The following SMYD3 variants were observed in gnomAD, a reference collection of about 807,000 sequenced individuals.
SMYD3 encodes SET and MYND domain containing 3.
SMYD3 carries 36 observed loss-of-function variants against 57.7 expected under a neutral mutation model. That is an observed-to-expected ratio of 0.62 (90% CI 0.48 to 0.82). SMYD3 has a LOEUF of 0.82. Ranked by LOEUF, SMYD3 falls within the 40% of genes least tolerant of loss-of-function variation. SMYD3 has a pLI of 0.00. For synonymous variants in SMYD3, 211 were observed against 195.0 expected, an observed-to-expected ratio of 1.08 and a Z score of -0.68; for missense variants, 515 against 538.8, an observed-to-expected ratio of 0.96 and a Z score of 0.44.
intron 10 of SMYD3, among the ~76,000 whole-genome samples, chr1:245,855,988 G>A (rs1222353990): frequency 6.6e-6 from 1 of 152,210 alleles, no homozygotes; most frequent in Non-Finnish European, 1.5e-5. Flanking sequence ...CTAAAGGTGA[G>A]CAAAAGGCCC....
chr1:245,933,350 C>T (rs1454025721), intron 5 of SMYD3, among the ~76,000 whole-genome samples: 1 of 152,002 alleles, frequency 6.6e-6, no homozygotes, highest in Admixed American at 6.6e-5. Flanking sequence ...AAAAATTAAG[C>T]TTGAGTATTA....
At chr1:246,104,586 A>T (rs2061082599) in intron 5 of SMYD3, among the ~76,000 whole-genome samples, 1 of 152,202 alleles carries the variant, frequency 6.6e-6, no homozygotes, top group Non-Finnish European at 1.5e-5. Context: ...CAAGAGCTGC[A>T]GGCTGGTCAT....
At chr1:246,432,867 T>C (rs1015861812) in intron 1 of SMYD3, among the ~76,000 whole-genome samples, 2 of 152,124 alleles carry the variant, frequency 1.3e-5, no homozygotes, top group African/African-American at 2.4e-5. Context: ...TGATAAGAAA[T>C]AATCAAGGTT....
intron 10 of SMYD3, among the ~76,000 whole-genome samples, chr1:245,830,824 A>G (rs1018110297): frequency 2.0e-5 from 3 of 152,116 alleles, no homozygotes; most frequent in Non-Finnish European, 4.4e-5. Flanking sequence ...ACCAGAAGAG[A>G]CAGGTATTTC....
chr1:246,200,689 G>A (rs961561688), intron 5 of SMYD3, among the ~76,000 whole-genome samples: 3 of 134,926 alleles, frequency 2.2e-5, no homozygotes, highest in South Asian at 2.4e-4. Context: ...GAAGATGCAC[G>A]GGATGGGAAC....
chr1:246,254,602 T>C (rs1168120031), intron 5 of SMYD3, among the ~76,000 whole-genome samples: 2 of 152,196 alleles, frequency 1.3e-5, no homozygotes, highest in South Asian at 2.1e-4. Context: ...TTGCTTAGGA[T>C]TGCTTTGGCT....
At chr1:245,971,825 G>T (rs906315677) in intron 5 of SMYD3, among the ~76,000 whole-genome samples, 1 of 152,162 alleles carries the variant, frequency 6.6e-6, no homozygotes, top group African/African-American at 2.4e-5. Context: ...AAACAACTCT[G>T]TGAAGGAGGC....
At chr1:245,955,982 G>A (rs1173024065) in intron 5 of SMYD3, 14 of 985,042 alleles carry the variant, frequency 1.4e-5, no homozygotes, top group South Asian at 9.4e-5. Flanking sequence ...TCTAGGAGGC[G>A]CTTATGAAGA....
chr1:246,100,346 T>C (rs2060987280), intron 5 of SMYD3, among the ~76,000 whole-genome samples: 1 of 152,228 alleles, frequency 6.6e-6, no homozygotes, highest in African/African-American at 2.4e-5. Flanking sequence ...GGAAAACATG[T>C]CAACTGTGAC....
intron 5 of SMYD3, among the ~76,000 whole-genome samples, chr1:246,185,760 G>A (rs1246111749): frequency 1.3e-5 from 2 of 152,062 alleles, no homozygotes; most frequent in African/African-American, 4.8e-5. Context: ...GTGCCTGGCT[G>A]GTAATTCCTT....
At position 245,883,200 on chromosome 1, in the gene SMYD3, C is replaced by G. The variant is rs370216887; in HGVS notation, c.814-19314G>C. ...CTCTTCACTGAGTGTACCCTTGTAA[C>G]TAGATACTAAACCAACTGCATTATG... On this transcript the variant is annotated intron_variant, in intron 8 of 11. Coordinates refer to ENST00000490107, the MANE Select transcript of SMYD3 (RefSeq NM_001167740.2). Among the ~76,000 whole-genome samples, 11 of 152,272 alleles carry G rather than the reference C, an allele frequency of 7.2e-5. No homozygotes were observed. The South Asian group carries it at 1.9e-3, about 26-fold the overall frequency.
At chr1:246,073,671 C>T (rs1184372245) in intron 5 of SMYD3, among the ~76,000 whole-genome samples, 1 of 152,170 alleles carries the variant, frequency 6.6e-6, no homozygotes, top group Non-Finnish European at 1.5e-5. Context: ...AAGCCAAGAT[C>T]ACGCCACGGT....
chr1:246,041,883 C>A (rs1428226027), intron 5 of SMYD3, among the ~76,000 whole-genome samples: 2 of 152,022 alleles, frequency 1.3e-5, no homozygotes, highest in Non-Finnish European at 2.9e-5. Flanking sequence ...GATGAAACTA[C>A]CAATAAAAAT....
chr1:246,428,760 C>A (rs1453897070), intron 1 of SMYD3, among the ~76,000 whole-genome samples: 2 of 152,158 alleles, frequency 1.3e-5, no homozygotes, highest in African/African-American at 4.8e-5. Context: ...TAGACCACAG[C>A]CCATGCTCTT....
intron 5 of SMYD3, among the ~76,000 whole-genome samples, chr1:246,055,098 C>A (rs1341094503): frequency 6.6e-6 from 1 of 151,546 alleles, no homozygotes; most frequent in Non-Finnish European, 1.5e-5. Flanking sequence ...ATGGAGTGAA[C>A]CCGGGTGGCA....
chr1:246,504,293 C>T lies in SMYD3; in HGVS notation c.164+2761G>A, dbSNP rs138677188. 1.8e-4 allele frequency among the ~76,000 whole-genome samples: 27 copies of T among 152,312 alleles called. No homozygotes were observed. The Middle Eastern group carries it at 0.01, about 58-fold the overall frequency. ...GGTGATTTCATTGTTGTAGGAACAT[C>T]ATGGTGTATCCTCACACAAACCCAG... On this transcript the variant is annotated intron_variant, in intron 1 of 11. Coordinates refer to ENST00000490107, the MANE Select transcript of SMYD3 (RefSeq NM_001167740.2).
intron 5 of SMYD3, among the ~76,000 whole-genome samples, chr1:246,304,048 AC>A (rs2064938618): frequency 6.6e-6 from 1 of 152,232 alleles, no homozygotes; most frequent in Non-Finnish European, 1.5e-5. Flanking sequence ...TAACCTAAAA[AC>A]AAAATATAAC....
chr1:246,167,249 T>C (rs1319818517), intron 5 of SMYD3, among the ~76,000 whole-genome samples: 1 of 152,208 alleles, frequency 6.6e-6, no homozygotes, highest in Non-Finnish European at 1.5e-5. Context: ...ATTTATAATA[T>C]ATGTATGTGA....
chr1:245,961,419 T>A (rs2058004616), intron 5 of SMYD3, among the ~76,000 whole-genome samples: 1 of 152,122 alleles, frequency 6.6e-6, no homozygotes, highest in African/African-American at 2.4e-5. Context: ...CTTCTCACCC[T>A]TTCACCCTAA....
Sources: gnomAD v4.1 joint callset for allele counts (sites outside exome capture counted in the v4.1 genomes callset) on GRCh38, gnomAD v4.1.1 for gene constraint, MANE v1.5 for transcripts, NCBI Gene and HGNC (gene_info 2026-07-23, HGNC 2026-07-21) for gene names.